Variants in ARHGEF10 observed in about 807,000 individuals in gnomAD.
ARHGEF10 encodes Rho guanine nucleotide exchange factor (GEF) 10.
ARHGEF10 carries 140 observed loss-of-function variants against 147.4 expected under a neutral mutation model. The ratio of observed to expected loss-of-function variants is 0.95; its 90% confidence interval spans 0.83 to 1.09. The LOEUF is 1.09. ARHGEF10 is among the 50% of genes least tolerant of loss of function. The pLI, the probability that ARHGEF10 is intolerant of heterozygous loss-of-function variation, is 0.00. For synonymous variants in ARHGEF10, 902 were observed against 695.8 expected, an observed-to-expected ratio of 1.30 and a Z score of -4.67; for missense variants, 2,222 against 1,752.7, an observed-to-expected ratio of 1.27 and a Z score of -4.78.
At position 1,903,356 on chromosome 8, in the gene ARHGEF10, C is replaced by G. The variant is rs369598792; in HGVS notation, c.1726C>G (p.Leu576Val). 3.0e-5 allele frequency: 49 copies of G among 1,614,146 alleles called. 1 individual carries two copies. In the Middle Eastern group the frequency reaches 1.6e-3, roughly 54 times the overall value. Residue 576 changes from leucine to valine, a missense_variant, in exon 16 of 29, where the codon CTA becomes GTA. Physicochemically the swap from Leu to Val is conservative, Grantham distance 32 (BLOSUM62 1). Transcript: ENST00000349830. ...GATGGCCCTGACAGAGCTCGAAACA[C>G]TAGCAGAGAAGTTAAATGAAAGAAA... The part of the protein sequence containing the change: ...LQMALTELET[L>V]AEKLNERKRD...
intron 2 of ARHGEF10, among the ~76,000 whole-genome samples, chr8:1,849,025 C>T (rs914608833): frequency 6.6e-6 from 1 of 152,202 alleles, no homozygotes; most frequent in Non-Finnish European, 1.5e-5. Flanking sequence ...TTACTGTATT[C>T]ACAAGCATGT....
intron 1 of ARHGEF10, among the ~76,000 whole-genome samples, chr8:1,840,510 CCGG>C (rs1803943593): frequency 6.8e-6 from 1 of 146,170 alleles, no homozygotes; most frequent in South Asian, 2.4e-4. Context: ...TGGGGACTGT[CCGG>C]TGTGGAATCT....
chr8:1,904,443 G>A (rs1470247267), intron 16 of ARHGEF10: 1 of 152,192 alleles, frequency 6.6e-6, no homozygotes, highest in East Asian at 1.9e-4. Flanking sequence ...TAATGTAACT[G>A]TGCGAACTTT....
intron 18 of ARHGEF10, among the ~76,000 whole-genome samples, chr8:1,919,571 C>G (rs1316307430): frequency 6.8e-6 from 1 of 148,010 alleles, no homozygotes; most frequent in East Asian, 2.0e-4. Context: ...GGGTGATGAG[C>G]TGTTCTGTGG....
rs1563292198 is a variant in ARHGEF10, at chr8:1,923,882, C to T, written c.2488+8C>T. On this transcript the variant is annotated splice_region_variant and intron_variant, in intron 21 of 28. Transcript: ENST00000349830. ...TGGCCAAGCTCGCCCTAGGTAAGGC[C>T]TGGCTGGCTGAGGCTGAATGAGGCA... 6.2e-7 allele frequency: 1 copy of T among 1,613,514 alleles called. No homozygotes were observed. Among genetic ancestry groups the T allele is most frequent in the Non-Finnish European group, 8.5e-7 (1 of 1,179,492 alleles).
At chr8:1,868,438 A>G (rs1272630200) in intron 6 of ARHGEF10, among the ~76,000 whole-genome samples, 1 of 152,204 alleles carries the variant, frequency 6.6e-6, no homozygotes, top group African/African-American at 2.4e-5. Context: ...TTTTTATGAA[A>G]CGGATTTTCA....
Position 1,888,568 on chromosome 8 carries a change from C to G in ARHGEF10, c.1182+2861C>G, listed in dbSNP as rs1237434288. Among the ~76,000 whole-genome samples the G allele has an allele frequency of 1.6e-5, 2 of 122,818 alleles. 1 individual carries two copies. Among genetic ancestry groups the G allele is most frequent in the African/African-American group, 7.3e-5 (2 of 27,476 alleles). The allele number at this position is 122,818 out of a possible 152,430, so 80.6% of individuals were successfully genotyped here. ...GAGTGGGGTGAGGTATGGGGAGACA[C>G]TGAGTGGGGTGTGAGGGGTCTGTGA... On this transcript the variant is annotated intron_variant, in intron 11 of 28. Transcript: ENST00000349830.
Position 1,832,925 on chromosome 8 carries a change from C to A in ARHGEF10, c.-48+8812C>A, listed in dbSNP as rs56651299. Among the ~76,000 whole-genome samples, 11 of 89,996 alleles carry A rather than the reference C, an allele frequency of 1.2e-4. 3 individuals carry two copies. Among genetic ancestry groups the A allele is most frequent in the Non-Finnish European group, 2.0e-4 (9 of 44,242 alleles). The allele number at this position is 89,996 out of a possible 152,430, so 59.0% of individuals were successfully genotyped here. A position where few individuals can be genotyped will look rare whatever the true frequency, so the allele number is the denominator to read the frequency against. On this transcript the variant is annotated intron_variant, in intron 1 of 28. Coordinates refer to ENST00000349830, the MANE Select transcript of ARHGEF10 (RefSeq NM_014629.4). ...ACAGAGAGACAGACAGAGGCAGAGA[C>A]AGAGGCAGAGACAGAAGCAGAGACA...
chr8:1,923,363 C>T, intron 19 of ARHGEF10, 105 bp from the exon 20 acceptor site: 1 of 1,516,386 alleles, frequency 6.6e-7, no homozygotes, highest in African/African-American at 1.4e-5. Flanking sequence ...CTAATAGTTT[C>T]ATTTGGTCTG....
chr8:1,859,185 C>T (rs796830902), intron 3 of ARHGEF10, among the ~76,000 whole-genome samples: 1,668 of 91,728 alleles, frequency 0.018, 39 homozygotes, highest in Middle Eastern at 0.039. Flanking sequence ...ACCAGCCTCT[C>T]GGTTGTTTGC....
At chr8:1,941,939 C>A (rs1442999927) in intron 26 of ARHGEF10, among the ~76,000 whole-genome samples, 1 of 152,120 alleles carries the variant, frequency 6.6e-6, no homozygotes, top group African/African-American at 2.4e-5. Context: ...AAGTTGGACC[C>A]CTGCCTCACA....
intron 25 of ARHGEF10, among the ~76,000 whole-genome samples, chr8:1,932,644 C>T (rs909718231): frequency 4.6e-5 from 7 of 152,334 alleles, no homozygotes; most frequent in South Asian, 2.1e-4. Flanking sequence ...AATAATTACC[C>T]TACAACACTT....
At chr8:1,839,409 GTC>G (rs1383261621) in intron 1 of ARHGEF10, among the ~76,000 whole-genome samples, 1 of 142,180 alleles carries the variant, frequency 7.0e-6, no homozygotes, top group East Asian at 2.2e-4. Flanking sequence ...TGTGGGGACT[GTC>G]TGCTGTGGAA....
chr8:1,950,924 C>A (rs970203941), intron 27 of ARHGEF10, among the ~76,000 whole-genome samples: 14 of 151,988 alleles, frequency 9.2e-5, no homozygotes, highest in African/African-American at 2.9e-4. Context: ...TTACAGGAGC[C>A]CTTCCAGAAG....
At chr8:1,872,779 A>G (rs1312544727) in intron 7 of ARHGEF10, among the ~76,000 whole-genome samples, 2 of 152,170 alleles carry the variant, frequency 1.3e-5, no homozygotes, top group Non-Finnish European at 2.9e-5. Context: ...GCGTTCGTTA[A>G]TTTATTCATT....
rs201349540 is a variant in ARHGEF10, at chr8:1,928,418, C to A, written c.2698-9C>A. On this transcript the variant is annotated splice_polypyrimidine_tract_variant and intron_variant, in intron 23 of 28. Coordinates refer to ENST00000349830, the MANE Select transcript of ARHGEF10 (RefSeq NM_014629.4). ...CGTTTTCTTCTTTCCTCCTAATTCT[C>A]TGATTCAGATCGGAAGTTGCACCCA... The A allele has an allele frequency of 2.1e-5, 33 of 1,591,968 alleles. No homozygotes were observed. The highest frequency in any genetic ancestry group is 2.7e-5 in the Non-Finnish European group (31 of 1,165,464).
At chr8:1,826,266 G>A in intron 1 of ARHGEF10, 1 of 839,676 alleles carries the variant, frequency 1.2e-6, no homozygotes, top group Admixed American at 2.1e-5. Context: ...ACTTCCAGAT[G>A]TAACCACATT....
intron 1 of ARHGEF10, among the ~76,000 whole-genome samples, chr8:1,827,607 C>G (rs1464344615): frequency 6.6e-6 from 1 of 152,220 alleles, no homozygotes; most frequent in South Asian, 2.1e-4. Context: ...CATGCCCCGT[C>G]AAAATGATCA....
intron 2 of ARHGEF10, among the ~76,000 whole-genome samples, chr8:1,856,990 C>A (rs1000847238): frequency 6.6e-6 from 1 of 152,196 alleles, no homozygotes; most frequent in Non-Finnish European, 1.5e-5. Flanking sequence ...AGTCCTAGCA[C>A]GCCGTCTCTG....
Sources: allele counts gnomAD v4.1 joint callset (sites outside exome capture counted in the v4.1 genomes callset), GRCh38; gene constraint gnomAD v4.1.1; transcripts MANE v1.5; gene names NCBI Gene and HGNC (gene_info 2026-07-23, HGNC 2026-07-21).